PAX7: variants seen among roughly 807,000 people sequenced by gnomAD.
PAX7 encodes the protein paired box protein Pax-7.
A neutral mutation model predicts 50.7 loss-of-function variants in PAX7; 18 were observed. The observed-to-expected ratio is 0.36, with a 90% CI of 0.25 to 0.53. PAX7 has a LOEUF of 0.53. Among genes scored for constraint, PAX7 ranks in the 20% least tolerant of loss-of-function variants. PAX7 has a pLI of 0.93. For synonymous variants in PAX7, 310 were observed against 290.4 expected, an observed-to-expected ratio of 1.07 and a Z score of -0.69; for missense variants, 644 against 702.9, an observed-to-expected ratio of 0.92 and a Z score of 0.95.
chr1:18,631,899 C>G (rs546058367), intron 1 of PAX7, among the ~76,000 whole-genome samples: 1 of 152,274 alleles, frequency 6.6e-6, no homozygotes, highest in South Asian at 2.1e-4. Context: ...CGGCGGCCTT[C>G]GTTTCGCAGG....
intron 5 of PAX7, among the ~76,000 whole-genome samples, chr1:18,693,574 A>C: frequency 6.6e-6 from 1 of 152,174 alleles, no homozygotes; most frequent in East Asian, 1.9e-4. Context: ...GACCCAGCGG[A>C]CACCCCTCCG....
At position 18,634,806 on chromosome 1, in the gene PAX7, AG is replaced by A. The variant is rs1441629752; in HGVS notation, c.321+269del. On this transcript the variant is annotated intron_variant, in intron 2 of 8. Coordinates refer to ENST00000420770, the MANE Select transcript of PAX7 (RefSeq NM_001135254.2). The surrounding 1 kb of genome is among the most constrained non-coding windows in gnomAD (Gnocchi z 4.0). ...TTGCCTCAACCCCTGTCACCTTCCAAGACCAGAAGACATCTTCTCTCAGTCT... is the reference window on the plus strand; with the variant it reads ...TTGCCTCAACCCCTGTCACCTTCCAAACCAGAAGACATCTTCTCTCAGTCT... Among the ~76,000 whole-genome samples the A allele has an allele frequency of 6.6e-6, 1 of 152,144 alleles. No individual in the cohort carries two copies. The highest frequency in any genetic ancestry group is 1.5e-5 in the Non-Finnish European group (1 of 68,022).
chr1:18,740,972 T>C (rs1557562961), intron 8 of PAX7, among the ~76,000 whole-genome samples: 1 of 152,060 alleles, frequency 6.6e-6, no homozygotes, highest in Non-Finnish European at 1.5e-5. Context: ...AGTCAAATGA[T>C]GGTTACTAGA....
chr1:18,703,238 T>C lies in PAX7; in HGVS notation c.1097T>C (p.Met366Thr). 2 of 1,614,186 alleles carry C rather than the reference T, an allele frequency of 1.2e-6. No homozygotes were observed. The highest frequency in any genetic ancestry group is 1.1e-5 in the South Asian group (1 of 91,088). Residue 366 changes from methionine (M) to threonine (T), a missense_variant, in exon 7 of 9, where the codon ATG (methionine) becomes ACG (threonine). By Grantham distance (81) the Met-to-Thr change is moderately conservative. Transcript: ENST00000420770. ...TTCTCCAGCTACTCTGACAGCTTCA[T>C]GAATCCGGCGGCGCCCTCCAACCAC... Reference protein sequence around the residue: ...HSFSSYSDSFMNPAAPSNHMN... With the variant: ...HSFSSYSDSFTNPAAPSNHMN...
chr1:18,655,770 G>GGGGTGTGT (rs560470014), intron 4 of PAX7, among the ~76,000 whole-genome samples: 5 of 143,670 alleles, frequency 3.5e-5, no homozygotes, highest in South Asian at 2.3e-4. Flanking sequence ...ACTTGGAGAG[G>GGGGTGTGT]GTGTGTGTGT....
intron 4 of PAX7, among the ~76,000 whole-genome samples, chr1:18,646,641 G>A (rs1408485548): frequency 2.0e-5 from 3 of 151,998 alleles, no homozygotes; most frequent in African/African-American, 7.3e-5. Flanking sequence ...CGCCTCAATG[G>A]CCACTTTAGA....
rs748420240 is a variant in PAX7, at chr1:18,735,610, A to G, written c.1156-22A>G. The G allele has an allele frequency of 3.8e-6, 6 of 1,598,950 alleles. No individual in the cohort carries two copies. The East Asian group carries it at 1.3e-4, about 36-fold the overall frequency. ...CTGGGGTCTGTCCGGTGAGCCTGGC[A>G]CTAATGGCCTTTTCCCCACAGGTGA... On this transcript the variant is annotated intron_variant, in intron 7 of 8. Coordinates refer to ENST00000420770, the MANE Select transcript of PAX7 (RefSeq NM_001135254.2). The surrounding 1 kb of genome is among the most constrained non-coding windows in gnomAD (Gnocchi z 4.0).
rs374019969 is a variant in PAX7 at position 18,635,313 on chromosome 1, GGAGA to G, written c.451+77_451+80del. The G allele has an allele frequency of 4.6e-5, 71 of 1,541,284 alleles. No individual in the cohort carries two copies. The African/African-American group carries it at 8.7e-4, about 19-fold the overall frequency. On this transcript the variant is annotated intron_variant, in intron 3 of 8. Coordinates refer to ENST00000420770, the MANE Select transcript of PAX7 (RefSeq NM_001135254.2). Reference sequence around the variant, plus strand: ...GGTCCAGTGTGGAGGGCTGGAGGTGGGAGAGAGGGGAGAGGAGATGATGGCTGAC... The same window carrying G: ...GGTCCAGTGTGGAGGGCTGGAGGTGGGAGGGGAGAGGAGATGATGGCTGAC...
intron 4 of PAX7, among the ~76,000 whole-genome samples, chr1:18,657,994 C>T (rs2088547374): frequency 6.6e-6 from 1 of 152,160 alleles, no homozygotes; most frequent in African/African-American, 2.4e-5. Flanking sequence ...AGGGCCGACG[C>T]ATGAATACCT....
chr1:18,639,762 A>G (rs2088220850), intron 4 of PAX7, among the ~76,000 whole-genome samples: 1 of 152,186 alleles, frequency 6.6e-6, no homozygotes. Context: ...AAGCAATAGT[A>G]TAAAAAACAA....
Position 18,735,758 on chromosome 1 carries a change from G to T in PAX7, c.1282G>T (p.Asp428Tyr). The change falls in exon 8 of 9, where the codon GAC (aspartate) becomes TAC (tyrosine). Residue 428 changes from aspartate (D) to tyrosine (Y), a missense_variant. Physicochemically the swap from Asp to Tyr is radical, Grantham distance 160. Coordinates refer to ENST00000420770, the MANE Select transcript of PAX7 (RefSeq NM_001135254.2). The surrounding 1 kb of genome is among the most constrained non-coding windows in gnomAD (Gnocchi z 4.0). Reference sequence around the variant, plus strand: ...CTCAGCCAGCTGCAGCCAGCGGGCCGACTCCATCAAGCCAGGAGACAGCCT... The same window carrying T: ...CTCAGCCAGCTGCAGCCAGCGGGCCTACTCCATCAAGCCAGGAGACAGCCT... The part of the protein sequence containing the change: ...SISASCSQRA[D>Y]SIKPGDSLPT... 2 of 1,614,132 alleles carry T rather than the reference G, an allele frequency of 1.2e-6. No homozygotes were observed. The highest frequency in any genetic ancestry group is 2.2e-5 in the East Asian group (1 of 44,876).
intron 4 of PAX7, among the ~76,000 whole-genome samples, chr1:18,679,817 G>A (rs1557525901): frequency 6.6e-6 from 1 of 152,148 alleles, no homozygotes; most frequent in African/African-American, 2.4e-5. Context: ...ATTCATTCAG[G>A]CATTTGTTCA....
At chr1:18,686,164 T>C (rs1450825951) in intron 4 of PAX7, among the ~76,000 whole-genome samples, 1 of 152,214 alleles carries the variant, frequency 6.6e-6, no homozygotes, top group African/African-American at 2.4e-5. Flanking sequence ...GACAAGGTGA[T>C]ACCTCCTCCA....
chr1:18,713,471 A>C (rs964018007), intron 7 of PAX7, among the ~76,000 whole-genome samples: 8 of 152,184 alleles, frequency 5.3e-5, no homozygotes, highest in African/African-American at 1.9e-4. Flanking sequence ...TCTCAGGAGG[A>C]TTTTGAGGCA....
chr1:18,721,175 G>A (rs1344019432), intron 7 of PAX7, among the ~76,000 whole-genome samples: 1 of 152,122 alleles, frequency 6.6e-6, no homozygotes, highest in African/African-American at 2.4e-5. Context: ...GGGGCTGCCC[G>A]GGCCTGAACC....
intron 4 of PAX7, among the ~76,000 whole-genome samples, chr1:18,659,106 T>C (rs1413409665): frequency 6.6e-6 from 1 of 152,224 alleles, no homozygotes; most frequent in Non-Finnish European, 1.5e-5. Flanking sequence ...CATGTGTGTG[T>C]ATGTGTGTGT....
intron 4 of PAX7, among the ~76,000 whole-genome samples, chr1:18,678,331 G>C (rs144868838): frequency 2.0e-5 from 3 of 152,068 alleles, no homozygotes; most frequent in Admixed American, 6.6e-5. Context: ...CCCAGGAGGC[G>C]GAGGTTGCAG....
chr1:18,729,922 C>G (rs1319980269), intron 7 of PAX7, among the ~76,000 whole-genome samples: 4 of 152,120 alleles, frequency 2.6e-5, no homozygotes, highest in Admixed American at 6.5e-5. Flanking sequence ...GTGTTGGCCC[C>G]CATGGGAGAA....
chr1:18,650,471 G>T (rs1022888327), intron 4 of PAX7, among the ~76,000 whole-genome samples: 3 of 152,244 alleles, frequency 2.0e-5, no homozygotes, highest in Non-Finnish European at 4.4e-5. Flanking sequence ...AGGATTCAAT[G>T]CAGCCTGTGG....
Sources: allele counts gnomAD v4.1 joint callset (sites outside exome capture counted in the v4.1 genomes callset), GRCh38; gene constraint gnomAD v4.1.1; non-coding constraint Gnocchi (gnomAD v3.1); transcripts MANE v1.5; gene names NCBI Gene and HGNC (gene_info 2026-07-23, HGNC 2026-07-21).